TBX5: variants seen among roughly 807,000 people sequenced by gnomAD.
TBX5 encodes the protein T-box transcription factor 5, also known as T-box transcription factor TBX5.
TBX5 carries 8 observed loss-of-function variants against 51.1 expected under a neutral mutation model. The observed-to-expected ratio is 0.16, with a 90% CI of 0.09 to 0.28. The LOEUF (loss-of-function observed/expected upper bound fraction) is 0.28, where lower values mean the gene tolerates loss of function less well. TBX5 is among the 10% of genes least tolerant of loss of function. The pLI is 1.00. For synonymous variants in TBX5, 302 were observed against 266.4 expected, an observed-to-expected ratio of 1.13 and a Z score of -1.30; for missense variants, 589 against 671.7, an observed-to-expected ratio of 0.88 and a Z score of 1.36.
Position 114,394,318 on chromosome 12 carries a change from C to T in TBX5, c.663+423G>A, listed in dbSNP as rs181124422. On this transcript the variant is annotated intron_variant, in intron 6 of 8. Transcript: ENST00000405440. ...TGACAGACAGAGTGAGACCCTGTCTCGGAGTGAAAAATATTAAAAAGGCAG... is the reference window on the plus strand; with the variant it reads ...TGACAGACAGAGTGAGACCCTGTCTTGGAGTGAAAAATATTAAAAAGGCAG... 1.1e-3 allele frequency among the ~76,000 whole-genome samples: 174 copies of T among 152,102 alleles called. 1 individual carries two copies. The highest frequency in any genetic ancestry group is 2.7e-3 in the Admixed American group (41 of 15,258).
chr12:114,387,363 T>C (rs1870873510), intron 6 of TBX5, among the ~76,000 whole-genome samples: 1 of 152,214 alleles, frequency 6.6e-6, no homozygotes, highest in Non-Finnish European at 1.5e-5. Flanking sequence ...ATAAAATTAT[T>C]ATATGTATGT....
chr12:114,372,353 G>C (rs1304977108), intron 7 of TBX5, among the ~76,000 whole-genome samples: 1 of 152,100 alleles, frequency 6.6e-6, no homozygotes, highest in Admixed American at 6.5e-5. Context: ...TGTCCAGGCT[G>C]GAGTGAGGTG....
At chr12:114,383,950 C>A (rs1870653762) in intron 7 of TBX5, among the ~76,000 whole-genome samples, 1 of 152,108 alleles carries the variant, frequency 6.6e-6, no homozygotes, top group African/African-American at 2.4e-5. Context: ...ACCTTAACGG[C>A]AAATCACCAT....
intron 8 of TBX5, among the ~76,000 whole-genome samples, chr12:114,360,135 CCAGA>C (rs1313263433): frequency 6.6e-6 from 1 of 152,158 alleles, no homozygotes; most frequent in Non-Finnish European, 1.5e-5. Flanking sequence ...GCGAGTCTTC[CCAGA>C]CAGAGACCCT....
At chr12:114,363,904 G>A (rs1221077522) in intron 8 of TBX5, among the ~76,000 whole-genome samples, 3 of 152,206 alleles carry the variant, frequency 2.0e-5, no homozygotes, top group Admixed American at 2.0e-4. Context: ...TCCTGCTCAT[G>A]CCTAAAGAGG....
chr12:114,356,198 A>G, intron 8 of TBX5, 92 bp from the exon 9 acceptor site: 1 of 1,234,732 alleles, frequency 8.1e-7, no homozygotes, highest in Non-Finnish European at 1.2e-6. Flanking sequence ...ACTGAAGAAT[A>G]AGTCCTGAGA....
chr12:114,373,104 G>A (rs371776578), intron 7 of TBX5, among the ~76,000 whole-genome samples: 7 of 151,870 alleles, frequency 4.6e-5, no homozygotes, highest in African/African-American at 1.7e-4. Flanking sequence ...CCCAGCAAGG[G>A]CTTCAAATGG....
chr12:114,380,939 A>G (rs1165223932), intron 7 of TBX5, among the ~76,000 whole-genome samples: 1 of 151,974 alleles, frequency 6.6e-6, no homozygotes, highest in Non-Finnish European at 1.5e-5. Context: ...TAAGACACAG[A>G]TTGATTAACC....
chr12:114,406,456 T>C (rs550377422), upstream of TBX5, among the ~76,000 whole-genome samples: 37 of 152,260 alleles, frequency 2.4e-4, no homozygotes, highest in African/African-American at 8.7e-4. Context: ...GAACCGAGTC[T>C]GGACGCACAC....
At chr12:114,401,705 T>G in intron 3 of TBX5, 121 bp downstream of exon 3, 9 of 838,378 alleles carry the variant, frequency 1.1e-5, no homozygotes, top group Non-Finnish European at 1.0e-5. Flanking sequence ...TTTCTCTTCT[T>G]TCTCTATATT....
upstream of TBX5, chr12:114,408,303 CA>C: frequency 3.8e-6 from 3 of 783,392 alleles, no homozygotes; most frequent in Non-Finnish European, 4.6e-6. Flanking sequence ...ACATAAGACA[CA>C]AATAGAGCCA....
chr12:114,368,479 A>G (rs1593849461), intron 7 of TBX5, among the ~76,000 whole-genome samples: 1 of 152,204 alleles, frequency 6.6e-6, no homozygotes, highest in African/African-American at 2.4e-5. Flanking sequence ...CTATGACTCT[A>G]TGTGATAGGT....
intron 7 of TBX5, among the ~76,000 whole-genome samples, chr12:114,373,137 AATATTTAG>A (rs1201441204): frequency 6.6e-6 from 1 of 152,132 alleles, no homozygotes; most frequent in Admixed American, 6.5e-5. Context: ...AAAAATGTCA[AATATTTAG>A]AGCTGATCAC....
chr12:114,397,384 C>T (rs1483229037), intron 5 of TBX5, among the ~76,000 whole-genome samples: 1 of 152,198 alleles, frequency 6.6e-6, no homozygotes, highest in East Asian at 1.9e-4. Context: ...CGTCCGCCCC[C>T]TAGGCTGCCG....
rs762836528 is a variant in TBX5 at position 114,366,152 on chromosome 12, T to G, written c.982+13A>C. The G allele has an allele frequency of 8.7e-6, 14 of 1,613,636 alleles. No homozygotes were observed. The highest frequency in any genetic ancestry group is 1.2e-5 in the Non-Finnish European group (14 of 1,179,572). On this transcript the variant is annotated intron_variant, in intron 8 of 8. Transcript: ENST00000405440. ...AGAAAGAAAGCAAATTGACCAGGGG[T>G]GATCACACTCACCTTTCCTCTTGGT... is the stretch of plus-strand genomic sequence containing the variant.
intron 2 of TBX5, among the ~76,000 whole-genome samples, chr12:114,403,342 G>C (rs1163918143): frequency 1.3e-5 from 2 of 152,238 alleles, no homozygotes; most frequent in South Asian, 2.1e-4. Flanking sequence ...TCAAGCCATC[G>C]CTCATGCCGG....
chr12:114,399,760 C>T, intron 3 of TBX5, 128 bp from the exon 4 acceptor site: 1 of 1,452,062 alleles, frequency 6.9e-7, no homozygotes, highest in Middle Eastern at 2.3e-4. Context: ...AGCCCCGTTC[C>T]GCTCTCCGCA....
At chr12:114,384,732 CACACACACACACA>C in intron 7 of TBX5, among the ~76,000 whole-genome samples, 1 of 129,860 alleles carries the variant, frequency 7.7e-6, no homozygotes, top group South Asian at 2.5e-4. Flanking sequence ...CACACACACA[CACACACACACACA>C]ACACACACAC....
intron 7 of TBX5, among the ~76,000 whole-genome samples, chr12:114,373,550 T>C (rs7965033): frequency 0.86 from 131,582 of 152,180 alleles, 57,393 homozygotes; most frequent in African/African-American, 0.97. Flanking sequence ...CCTCTGCCTC[T>C]CAGGTTCAAG....
Sources: allele counts gnomAD v4.1 joint callset (sites outside exome capture counted in the v4.1 genomes callset), GRCh38; gene constraint gnomAD v4.1.1; transcripts MANE v1.5; gene names NCBI Gene and HGNC (gene_info 2026-07-23, HGNC 2026-07-21).